The following SETD4 variants were observed in gnomAD, a reference collection of about 807,000 sequenced individuals.
SETD4 encodes SET domain containing 4.
In SETD4, 46 loss-of-function variants were observed where a neutral mutation model predicts 58.3. The ratio of observed to expected loss-of-function variants is 0.79; its 90% CI spans 0.62 to 1.01. SETD4 has a LOEUF of 1.01. Among genes scored for constraint, SETD4 ranks in the 50% least tolerant of loss-of-function variants. The pLI, the probability that SETD4 is intolerant of heterozygous loss-of-function variation, is 0.00. For missense variants in SETD4, 490 were observed against 523.3 expected, an observed-to-expected ratio of 0.94 and a Z score of 0.62; for synonymous variants, 190 against 202.6, an observed-to-expected ratio of 0.94 and a Z score of 0.53.
rs776027138 is a variant in SETD4 at position 36,036,107 on chromosome 21, T to C, written c.*10A>G. On this transcript the variant is annotated 3_prime_UTR_variant, in exon 11 of 12. Transcript: ENST00000332131. ...CACCAGAGGAGGTGACCAAATGCGCTTCGGTGAAATCAGGTAAAAGCTGTT... is the reference window on the plus strand; with the variant it reads ...CACCAGAGGAGGTGACCAAATGCGCCTCGGTGAAATCAGGTAAAAGCTGTT... 4 of 1,613,906 alleles carry C rather than the reference T, an allele frequency of 2.5e-6. No homozygotes were observed. Among genetic ancestry groups the C allele is most frequent in the Non-Finnish European group, 3.4e-6 (4 of 1,179,954 alleles).
At chr21:36,041,585 T>TTA in intron 8 of SETD4, among the ~76,000 whole-genome samples, 1 of 152,232 alleles carries the variant, frequency 6.6e-6, no homozygotes, top group African/African-American at 2.4e-5. Flanking sequence ...TATTTCTAGC[T>TTA]TGTATCTTAT....
In SETD4 at chr21:36,045,866, C is replaced by G. The variant is rs750918820; in HGVS notation, c.442G>C (p.Val148Leu). 6.2e-7 allele frequency: 1 copy of G among 1,614,060 alleles called. No homozygotes were observed. The highest frequency in any genetic ancestry group is 8.5e-7 in the Non-Finnish European group (1 of 1,180,046). ...TCPVCLEPEV[V>L]NLLPKSLKAK... ...TTTAAAGATTTGGGAAGAAGGTTCA[C>G]CACTTCCGGCTCCAAACAAACAGGG... Residue 148 changes from valine to leucine, a missense_variant, in exon 6 of 12, where the codon GTG (valine) becomes CTG (leucine). Val to Leu is a conservative substitution (Grantham distance 32). Transcript: ENST00000332131.
In SETD4 at chr21:36,038,263, T is replaced by G; in HGVS notation, c.1075A>C (p.Lys359Gln). The change falls in exon 10 of 12, where the codon AAA (lysine) becomes CAA (glutamine). Residue 359 changes from lysine (K) to glutamine (Q), a missense_variant. Transcript: ENST00000332131. ...ATTACCTCCCCAAGAAGTACTTTTT[T>G]CCAGCATGTACTAGAACCAAAATGT... is the stretch of plus-strand genomic sequence containing the variant. The part of the protein sequence containing the change: ...CLEAEKFTCW[K>Q]KVLLGEVISD... 1 of 1,612,688 alleles carries G rather than the reference T, an allele frequency of 6.2e-7. No homozygotes were observed. The highest frequency in any genetic ancestry group is 1.1e-5 in the South Asian group (1 of 90,550).
At chr21:36,054,039 T>C (rs2064855365) in intron 3 of SETD4, among the ~76,000 whole-genome samples, 1 of 152,160 alleles carries the variant, frequency 6.6e-6, no homozygotes, top group Non-Finnish European at 1.5e-5. Context: ...AGTGAAGACC[T>C]TGAGACCCCT....
chr21:36,050,452 C>CA (rs2064607178), intron 4 of SETD4: 1 of 1,613,920 alleles, frequency 6.2e-7, no homozygotes, highest in African/African-American at 1.3e-5. Context: ...GTCAGAGTAC[C>CA]AACCCCTTGG....
chr21:36,040,148 C>G (rs12483168), intron 9 of SETD4, among the ~76,000 whole-genome samples: 1,882 of 152,328 alleles, frequency 0.012, 33 homozygotes, highest in African/African-American at 0.041. Context: ...CTGCCTCCCC[C>G]ATGGAAAAGT....
rs2063875890 is a variant in SETD4, at chr21:36,038,258, T to C, written c.1080A>G (p.Lys360=). Residue 360 remains lysine, a synonymous_variant, in exon 10 of 12, where the codon AAA becomes AAG. Transcript: ENST00000332131. ...LEAEKFTCWK[K]VLLGEVISDT... ...CTGAAATTACCTCCCCAAGAAGTACTTTTTTCCAGCATGTACTAGAACCAA... is the reference window on the plus strand; with the variant it reads ...CTGAAATTACCTCCCCAAGAAGTACCTTTTTCCAGCATGTACTAGAACCAA... The C allele has an allele frequency of 6.2e-7, 1 of 1,612,842 alleles. No individual in the cohort carries two copies. Among genetic ancestry groups the C allele is most frequent in the Non-Finnish European group, 8.5e-7 (1 of 1,179,740 alleles).
chr21:36,040,696 G>A lies in SETD4; in HGVS notation c.984-41C>T, dbSNP rs371218423. On this transcript the variant is annotated intron_variant, in intron 8 of 11. Coordinates refer to ENST00000332131, the MANE Select transcript of SETD4 (RefSeq NM_017438.5). ...AAATAATGACAAATCCATCATTTCA[G>A]TATTTCATGACCTCATAGCAAATGA... 4.5e-6 allele frequency: 7 copies of A among 1,544,108 alleles called. No individual in the cohort carries two copies. In the Admixed American group the frequency reaches 6.7e-5, roughly 15 times the overall value.
chr21:36,041,974 C>G lies in SETD4; in HGVS notation c.902-86G>C, dbSNP rs1207702741. Reference sequence around the variant, plus strand: ...CTTCCCTTCTCAACTCACTTCCTTTCCCTTTAGCAACCCAGACATGCATAA... The same window carrying G: ...CTTCCCTTCTCAACTCACTTCCTTTGCCTTTAGCAACCCAGACATGCATAA... On this transcript the variant is annotated intron_variant, in intron 7 of 11. Transcript: ENST00000332131. 7.3e-6 allele frequency: 5 copies of G among 681,560 alleles called. No individual in the cohort carries two copies. The Admixed American group carries it at 9.1e-5, about 12-fold the overall frequency. 42.2% of individuals were successfully genotyped at this position (681,560 alleles called of 1,614,324 possible).
intron 3 of SETD4, among the ~76,000 whole-genome samples, 194 bp downstream of exon 3, chr21:36,056,915 C>T (rs2065014801): frequency 6.6e-6 from 1 of 152,206 alleles, no homozygotes; most frequent in Non-Finnish European, 1.5e-5. Flanking sequence ...GTCAGTCTAC[C>T]TCAGTTCAGT....
rs1465106505 is a variant in SETD4, at chr21:36,034,794, A to G, written c.*1199T>C. 3 of 152,262 alleles carry G rather than the reference A, an allele frequency of 2.0e-5. No individual in the cohort carries two copies. The highest frequency in any genetic ancestry group is 7.2e-5 in the African/African-American group (3 of 41,530). The allele number at this position is 152,262 out of a possible 1,614,324, so 9.4% of individuals were successfully genotyped here. Reference sequence around the variant, plus strand: ...AAGACCACAGGTCCAGAAAGCTTCAAATGGTTACTATCGGGCCCTCCACAG... The same window carrying G: ...AAGACCACAGGTCCAGAAAGCTTCAGATGGTTACTATCGGGCCCTCCACAG... On this transcript the variant is annotated 3_prime_UTR_variant, in exon 12 of 12. Transcript: ENST00000332131.
intron 8 of SETD4, 142 bp downstream of exon 8, chr21:36,041,665 C>T (rs2064067773): frequency 1.7e-6 from 1 of 597,882 alleles, no homozygotes; most frequent in Non-Finnish European, 2.9e-6. Flanking sequence ...CGCAGTTTTA[C>T]TGCACATAGT....
At chr21:36,050,256 G>A in intron 4 of SETD4, 1 of 1,520,868 alleles carries the variant, frequency 6.6e-7, no homozygotes, top group Non-Finnish European at 9.1e-7. Flanking sequence ...GTTTTTGATA[G>A]ATTGTCCCAT....
At chr21:36,057,248 TA>T (rs1568941051) in intron 2 of SETD4, 44 bp from the exon 3 acceptor site, 2 of 1,364,828 alleles carry the variant, frequency 1.5e-6, no homozygotes, top group African/African-American at 1.4e-5. Flanking sequence ...AACCACTATA[TA>T]ATCGGATTAC....
intron 1 of SETD4, chr21:36,059,603 G>C: frequency 2.6e-6 from 1 of 390,724 alleles, no homozygotes; most frequent in Non-Finnish European, 3.5e-6. Flanking sequence ...CAGGAGAATC[G>C]CTTGATCTCA....
intron 10 of SETD4, chr21:36,036,553 C>T: frequency 1.3e-6 from 1 of 746,026 alleles, no homozygotes; most frequent in South Asian, 6.1e-5. Flanking sequence ...GATCATACAG[C>T]ATTTGTCCTT....
At chr21:36,045,429 C>G (rs773750382) in intron 6 of SETD4, among the ~76,000 whole-genome samples, 153 bp downstream of exon 6, 2 of 152,214 alleles carry the variant, frequency 1.3e-5, no homozygotes, top group Admixed American at 6.5e-5. Flanking sequence ...AGAAGAACAA[C>G]AGGAGCCTCC....
chr21:36,057,240 C>T (rs1297206306), intron 2 of SETD4, 36 bp from the exon 3 acceptor site: 3 of 1,446,422 alleles, frequency 2.1e-6, no homozygotes, highest in East Asian at 2.3e-5. Flanking sequence ...GTGATTAAAA[C>T]CACTATATAA....
At chr21:36,040,488 A>C (rs964046041) in intron 9 of SETD4, 87 bp downstream of exon 9, 3 of 1,144,428 alleles carry the variant, frequency 2.6e-6, no homozygotes, top group African/African-American at 3.1e-5. Flanking sequence ...TGGGTATCTG[A>C]ATGCAAGCCA....
Sources: allele counts gnomAD v4.1 joint callset (sites outside exome capture counted in the v4.1 genomes callset), GRCh38; gene constraint gnomAD v4.1.1; transcripts MANE v1.5; gene names NCBI Gene and HGNC (gene_info 2026-07-23, HGNC 2026-07-21).